The following TMEM132B variants were observed in gnomAD, a reference collection of about 807,000 sequenced individuals.
TMEM132B encodes transmembrane protein 132B.
In TMEM132B, 18 loss-of-function variants were observed where a neutral mutation model predicts 90.8. That is an observed-to-expected ratio of 0.20 (90% CI 0.14 to 0.29). TMEM132B has a LOEUF of 0.29. Ranked by LOEUF, TMEM132B falls within the 10% of genes least tolerant of loss-of-function variation. The pLI is 1.00. For synonymous variants in TMEM132B, 504 were observed against 523.3 expected, an observed-to-expected ratio of 0.96 and a Z score of 0.50; for missense variants, 1,096 against 1,326.8, an observed-to-expected ratio of 0.83 and a Z score of 2.70.
intron 3 of TMEM132B, among the ~76,000 whole-genome samples, chr12:125,513,001 G>A (rs556629002): frequency 1.3e-5 from 2 of 152,324 alleles, no homozygotes; most frequent in South Asian, 2.1e-4. Context: ...GGAAACGGGG[G>A]TGATGAGGGG....
At chr12:125,502,588 G>T (rs987574397) in intron 3 of TMEM132B, among the ~76,000 whole-genome samples, 1 of 152,212 alleles carries the variant, frequency 6.6e-6, no homozygotes, top group Non-Finnish European at 1.5e-5. Context: ...CAGTACTCTC[G>T]CGTGTTCAGA....
chr12:125,497,103 C>T (rs1882582675), intron 3 of TMEM132B, among the ~76,000 whole-genome samples: 1 of 152,172 alleles, frequency 6.6e-6, no homozygotes, highest in Non-Finnish European at 1.5e-5. Flanking sequence ...CCCCCTATTA[C>T]CCAGCCTGGG....
chr12:125,537,889 G>A (rs1883851476), intron 4 of TMEM132B, among the ~76,000 whole-genome samples: 1 of 152,132 alleles, frequency 6.6e-6, no homozygotes, highest in Admixed American at 6.5e-5. Flanking sequence ...GTCCCCACTT[G>A]CAACATGGGG....
At chr12:125,293,993 AC>A (rs1875606149) in intron 1 of TMEM132B, among the ~76,000 whole-genome samples, 2 of 152,204 alleles carry the variant, frequency 1.3e-5, no homozygotes, top group Admixed American at 6.5e-5. Context: ...AGCCCAAGCC[AC>A]CCCGTTTGAC....
At chr12:125,569,765 C>T (rs1315067469) in intron 4 of TMEM132B, among the ~76,000 whole-genome samples, 2 of 152,132 alleles carry the variant, frequency 1.3e-5, no homozygotes, top group African/African-American at 2.4e-5. Context: ...CCAACCCCCC[C>T]ATCTCTCTGC....
chr12:125,191,484 G>A (rs77045248), intron 1 of TMEM132B, among the ~76,000 whole-genome samples: 2,361 of 152,158 alleles, frequency 0.016, 64 homozygotes, highest in African/African-American at 0.054. Context: ...AGCACCTCAC[G>A]CAACCAAATT....
chr12:125,551,976 T>C (rs976756574), intron 4 of TMEM132B, among the ~76,000 whole-genome samples: 1 of 152,140 alleles, frequency 6.6e-6, no homozygotes, highest in Admixed American at 6.5e-5. Context: ...AGATGACAAA[T>C]GTTTTCTTTT....
At chr12:125,647,278 G>A (rs1204638348) in intron 6 of TMEM132B, among the ~76,000 whole-genome samples, 1 of 152,182 alleles carries the variant, frequency 6.6e-6, no homozygotes, top group Non-Finnish European at 1.5e-5. Flanking sequence ...GAGAAAAGGT[G>A]TCGGGCTCAA....
At chr12:125,319,550 T>C (rs1876372973) in intron 1 of TMEM132B, among the ~76,000 whole-genome samples, 1 of 152,304 alleles carries the variant, frequency 6.6e-6, no homozygotes, top group South Asian at 2.1e-4. Flanking sequence ...CCACAGCTGA[T>C]GGTGACCTCA....
intron 2 of TMEM132B, among the ~76,000 whole-genome samples, chr12:125,398,696 C>T (rs1418931320): frequency 6.6e-6 from 1 of 152,210 alleles, no homozygotes; most frequent in Non-Finnish European, 1.5e-5. Context: ...TACATATTGG[C>T]TATCAAATTG....
At chr12:125,334,232 G>A (rs1004781804) in intron 1 of TMEM132B, among the ~76,000 whole-genome samples, 2 of 152,058 alleles carry the variant, frequency 1.3e-5, no homozygotes, top group East Asian at 1.9e-4. Flanking sequence ...ATGCAGAATC[G>A]TCCGTTACTC....
chr12:125,404,769 C>T (rs557099007), intron 2 of TMEM132B, among the ~76,000 whole-genome samples: 3 of 152,318 alleles, frequency 2.0e-5, no homozygotes, highest in African/African-American at 7.2e-5. Flanking sequence ...CCTTCTCTCT[C>T]CATCACCTTC....
chr12:125,440,512 T>A (rs1880839669), intron 3 of TMEM132B, among the ~76,000 whole-genome samples: 1 of 152,166 alleles, frequency 6.6e-6, no homozygotes, highest in African/African-American at 2.4e-5. Flanking sequence ...TGATGCTGAG[T>A]GACTCATTAG....
chr12:125,333,258 T>G lies in TMEM132B; in HGVS notation c.68-16194T>G, dbSNP rs78212721. 3.5e-3 allele frequency among the ~76,000 whole-genome samples: 530 copies of G among 152,334 alleles called. 4 individuals carry two copies. Among genetic ancestry groups the G allele is most frequent in the African/African-American group, 0.012 (494 of 41,576 alleles). ...TTTCTCTTATAAGGACGTCTGTCAT[T>G]GGTTTTAGGGTGGGTGTCATTGGAC... On this transcript the variant is annotated intron_variant, in intron 1 of 8. Coordinates refer to ENST00000682704, the MANE Select transcript of TMEM132B (RefSeq NM_001366854.1).
At chr12:125,540,300 A>G (rs1883919840) in intron 4 of TMEM132B, among the ~76,000 whole-genome samples, 1 of 152,176 alleles carries the variant, frequency 6.6e-6, no homozygotes, top group Admixed American at 6.5e-5. Context: ...TGAGTGGATT[A>G]TTCTATAAAT....
At chr12:125,212,345 A>G (rs1430700708) in intron 1 of TMEM132B, among the ~76,000 whole-genome samples, 1 of 138,040 alleles carries the variant, frequency 7.2e-6, no homozygotes, top group African/African-American at 2.8e-5. Context: ...ATTAATTAAT[A>G]TATATATTTT....
chr12:125,515,160 A>C lies in TMEM132B; in HGVS notation c.1107-4279A>C, dbSNP rs558483048. Among the ~76,000 whole-genome samples, 15 of 152,208 alleles carry C rather than the reference A, an allele frequency of 9.9e-5. No individual in the cohort carries two copies. The South Asian group carries it at 3.1e-3, about 32-fold the overall frequency. Reference sequence around the variant, plus strand: ...CACTCACACAAACACATATGTTCGCACATTCTCTCCCACACTCACACACGC... The same window carrying C: ...CACTCACACAAACACATATGTTCGCCCATTCTCTCCCACACTCACACACGC... On this transcript the variant is annotated intron_variant, in intron 3 of 8. Coordinates refer to ENST00000682704, the MANE Select transcript of TMEM132B (RefSeq NM_001366854.1).
At chr12:125,584,018 T>A (rs773307288) in intron 5 of TMEM132B, 24 bp downstream of exon 5, 37 of 1,613,890 alleles carry the variant, frequency 2.3e-5, no homozygotes, top group Middle Eastern at 1.6e-4. Flanking sequence ...TATCTACAGC[T>A]GTCCTAAGTG....
intron 1 of TMEM132B, among the ~76,000 whole-genome samples, chr12:125,346,391 G>A (rs573073498): frequency 6.6e-6 from 1 of 152,258 alleles, no homozygotes; most frequent in South Asian, 2.1e-4. Context: ...AATTTTACGA[G>A]AAGTAAAATT....
Sources: allele counts gnomAD v4.1 joint callset (sites outside exome capture counted in the v4.1 genomes callset), GRCh38; gene constraint gnomAD v4.1.1; transcripts MANE v1.5; gene names NCBI Gene and HGNC (gene_info 2026-07-23, HGNC 2026-07-21).